TRMT11: variants seen among roughly 807,000 people sequenced by gnomAD.
TRMT11 encodes the protein tRNA methyltransferase 11.
Under a neutral mutation model 62.8 loss-of-function variants are expected in TRMT11, and 53 were observed. That is an observed-to-expected ratio of 0.84 (90% CI 0.68 to 1.06). TRMT11 has a LOEUF of 1.06. Ranked by LOEUF, TRMT11 falls within the 50% of genes least tolerant of loss-of-function variation. The probability of loss-of-function intolerance (pLI) is 0.00; values close to 1 mark genes in which losing one functional copy is unlikely to be tolerated. For missense variants in TRMT11, 556 were observed against 553.4 expected, an observed-to-expected ratio of 1.00 and a Z score of -0.05; for synonymous variants, 188 against 190.3, an observed-to-expected ratio of 0.99 and a Z score of 0.10.
intron 1 of TRMT11, among the ~76,000 whole-genome samples, chr6:125,992,683 AG>A: frequency 6.6e-6 from 1 of 152,340 alleles, no homozygotes; most frequent in South Asian, 2.1e-4. Context: ...CCACATCGCT[AG>A]TATTTGGAAG....
At chr6:126,239,243 T>C in the TRMT11 span, among the ~76,000 whole-genome samples, 1 of 152,236 alleles carries the variant, frequency 6.6e-6, no homozygotes. Flanking sequence ...AATTTGATCC[T>C]GTCATTACGA....
At chr6:126,015,898 T>C (rs1794922460) in intron 11 of TRMT11, among the ~76,000 whole-genome samples, 1 of 152,222 alleles carries the variant, frequency 6.6e-6, no homozygotes. Context: ...AATGAGGTCA[T>C]GCTTTCTTGG....
chr6:126,049,836 A>G (rs563806952), intron 16 of TRMT11, among the ~76,000 whole-genome samples: 1 of 152,334 alleles, frequency 6.6e-6, no homozygotes, highest in African/African-American at 2.4e-5. Flanking sequence ...AGAGGAAAGA[A>G]GCACATTTCA....
intron 11 of TRMT11, among the ~76,000 whole-genome samples, chr6:126,019,405 A>G (rs1795482290): frequency 6.6e-6 from 1 of 152,210 alleles, no homozygotes; most frequent in African/African-American, 2.4e-5. Flanking sequence ...GATGTTAATT[A>G]AAATTGTGTT....
intron 17 of TRMT11, among the ~76,000 whole-genome samples, chr6:126,099,002 A>C (rs1456931566): frequency 6.6e-6 from 1 of 152,240 alleles, no homozygotes; most frequent in Non-Finnish European, 1.5e-5. Flanking sequence ...GTAGGTACAT[A>C]ATTAGGTAGC....
At chr6:126,241,525 C>A in the TRMT11 span, among the ~76,000 whole-genome samples, 3 of 152,196 alleles carry the variant, frequency 2.0e-5, no homozygotes, top group African/African-American at 7.2e-5. Flanking sequence ...CCATGAAGAA[C>A]ATTGATGCAA....
In TRMT11 at chr6:126,151,806, T is replaced by TTTTCTTTCTTTCTTTCTTTAGTTTTC. The variant is rs1554242192; in HGVS notation, c.*1824-23000_*1824-22999insAGTTTTCTTTCTTTCTTTCTTTCTTT. 1.9e-3 allele frequency among the ~76,000 whole-genome samples: 162 copies of TTTTCTTTCTTTCTTTCTTTAGTTTTC among 86,954 alleles called. 3 individuals are homozygous for TTTTCTTTCTTTCTTTCTTTAGTTTTC. The highest frequency in any genetic ancestry group is 2.2e-3 in the Non-Finnish European group (99 of 44,688). The allele number at this position is 86,954 out of a possible 152,430, so 57.0% of individuals were successfully genotyped here. A position where few individuals can be genotyped will look rare whatever the true frequency, so the allele number is the denominator to read the frequency against. On this transcript the variant is annotated intron_variant and NMD_transcript_variant, in intron 21 of 22. Coordinates refer to the TRMT11 transcript ENST00000648977. ...TTTCCTTCCTTCCTTCCTCTCTGTCTTTTCTTTCTTTCTTTCTTTCTTTCT... is the reference window on the plus strand; with the variant it reads ...TTTCCTTCCTTCCTTCCTCTCTGTCTTTTCTTTCTTTCTTTCTTTAGTTTTCTTTCTTTCTTTCTTTCTTTCTTTCT...
At chr6:126,079,172 T>G (rs1368933561) in intron 17 of TRMT11, among the ~76,000 whole-genome samples, 1 of 152,180 alleles carries the variant, frequency 6.6e-6, no homozygotes, top group Non-Finnish European at 1.5e-5. Context: ...ACAAGATAGC[T>G]AAGCTCCTAA....
intron 17 of TRMT11, among the ~76,000 whole-genome samples, chr6:126,100,741 G>T (rs1465656625): frequency 6.6e-6 from 1 of 152,180 alleles, no homozygotes; most frequent in African/African-American, 2.4e-5. Context: ...GTTTTGGGAT[G>T]ATTCAAGTGC....
chr6:126,053,002 A>G (rs1022569689), intron 16 of TRMT11, among the ~76,000 whole-genome samples: 2 of 152,116 alleles, frequency 1.3e-5, no homozygotes, highest in Non-Finnish European at 2.9e-5. Flanking sequence ...GCTAGGGGTA[A>G]ATGGCCCAGA....
intron 17 of TRMT11, among the ~76,000 whole-genome samples, chr6:126,109,240 GA>G (rs1777499095): frequency 1.3e-5 from 2 of 152,182 alleles, no homozygotes. Flanking sequence ...TTGTCCCAAT[GA>G]AAAGGTTTTG....
intron 17 of TRMT11, among the ~76,000 whole-genome samples, chr6:126,086,519 G>A (rs1168711750): frequency 6.6e-6 from 1 of 152,000 alleles, no homozygotes; most frequent in African/African-American, 2.4e-5. Context: ...ATGGTTCATA[G>A]TTTCATTATT....
intron 18 of TRMT11, among the ~76,000 whole-genome samples, chr6:126,113,694 AT>A (rs1409527426): frequency 1.3e-5 from 2 of 152,032 alleles, no homozygotes; most frequent in African/African-American, 4.8e-5. Flanking sequence ...TCAAAAAGTG[AT>A]TTCAATTTTA....
chr6:126,251,673 A>G, the TRMT11 span, among the ~76,000 whole-genome samples: 10 of 152,132 alleles, frequency 6.6e-5, no homozygotes, highest in African/African-American at 1.4e-4. Flanking sequence ...CTCTGCTTCT[A>G]TGAGTTCATC....
the TRMT11 span, chr6:126,258,499 G>A: frequency 7.5e-5 from 16 of 212,804 alleles, no homozygotes; most frequent in Non-Finnish European, 7.6e-5. Context: ...TGCAGCATGC[G>A]GAGCCCCCAG....
At chr6:126,243,315 G>A in the TRMT11 span, among the ~76,000 whole-genome samples, 1 of 152,116 alleles carries the variant, frequency 6.6e-6, no homozygotes, top group Non-Finnish European at 1.5e-5. Flanking sequence ...GGAGAAATAG[G>A]AACACTTTTA....
chr6:126,138,166 A>G (rs151295322), intron 21 of TRMT11, among the ~76,000 whole-genome samples: 2,766 of 152,070 alleles, frequency 0.018, 80 homozygotes, highest in African/African-American at 0.064. Flanking sequence ...GAATAGTTCA[A>G]TTACTCTGAC....
At chr6:126,104,781 C>T (rs576170756) in intron 17 of TRMT11, among the ~76,000 whole-genome samples, 1 of 152,254 alleles carries the variant, frequency 6.6e-6, no homozygotes, top group African/African-American at 2.4e-5. Context: ...CTTCTTCTCC[C>T]ATTGTTTAAA....
intron 1 of TRMT11, among the ~76,000 whole-genome samples, chr6:126,190,705 G>A (rs1583904538): frequency 6.6e-6 from 1 of 152,230 alleles, no homozygotes; most frequent in Non-Finnish European, 1.5e-5. Flanking sequence ...TTGACTTTCT[G>A]TGCCTGGTTT....
Sources: allele counts gnomAD v4.1 joint callset (sites outside exome capture counted in the v4.1 genomes callset), GRCh38; gene constraint gnomAD v4.1.1; transcripts MANE v1.5; gene names NCBI Gene and HGNC (gene_info 2026-07-23, HGNC 2026-07-21).